The following RASAL3 variants were observed in gnomAD, a reference collection of about 807,000 sequenced individuals.
RASAL3 encodes the protein RAS protein activator like-3.
RASAL3 carries 74 observed loss-of-function variants against 105.5 expected under a neutral mutation model. That is an observed-to-expected ratio of 0.70 (90% CI 0.58 to 0.85). RASAL3 has a LOEUF of 0.85. Ranked by LOEUF, RASAL3 falls within the 40% of genes least tolerant of loss-of-function variation. RASAL3 has a pLI of 0.00. For missense variants in RASAL3, 1,352 were observed against 1,392.0 expected, an observed-to-expected ratio of 0.97 and a Z score of 0.46; for synonymous variants, 579 against 591.6, an observed-to-expected ratio of 0.98 and a Z score of 0.31.
intron 16 of RASAL3, 54 bp downstream of exon 16, chr19:15,452,604 C>A: frequency 3.2e-5 from 39 of 1,212,118 alleles, no homozygotes; most frequent in Non-Finnish European, 3.8e-5. Context: ...CTGGTCAGAT[C>A]TAATTGGATC....
chr19:15,458,118 T>C (rs1970386043), intron 8 of RASAL3: 2 of 630,226 alleles, frequency 3.2e-6, no homozygotes, highest in Non-Finnish European at 5.5e-6. Flanking sequence ...TGGGTGCATA[T>C]GGGGCCGGGA....
chr19:15,454,249 C>T lies in RASAL3; in HGVS notation c.2179G>A (p.Glu727Lys). Reference protein sequence around the residue: ...ELDQTTRDTLEPLPTILRAIE... With the variant: ...ELDQTTRDTLKPLPTILRAIE... Reference sequence around the variant, plus strand: ...GCTCGCAGGATGGTGGGCAGTGGTTCCAGGGTGTCTCGGGTTGTCTGGTGA... The same window carrying T: ...GCTCGCAGGATGGTGGGCAGTGGTTTCAGGGTGTCTCGGGTTGTCTGGTGA... Residue 727 changes from glutamate (E) to lysine (K), a missense_variant, in exon 14 of 18, where the codon GAA becomes AAA. Physicochemically the swap from Glu to Lys is moderately conservative, Grantham distance 56. Around this residue, in one of 3 missense-constraint regions of RASAL3, gnomAD observed 920 missense variants for 919.6 expected, o/e 1.00. Coordinates refer to ENST00000343625, the MANE Select transcript of RASAL3 (RefSeq NM_022904.3). The T allele has an allele frequency of 6.4e-7, 1 of 1,565,470 alleles. No individual in the cohort carries two copies. Among genetic ancestry groups the T allele is most frequent in the East Asian group, 2.4e-5 (1 of 41,978 alleles).
chr19:15,456,309 A>G lies in RASAL3; in HGVS notation c.1577-61T>C. The G allele has an allele frequency of 6.3e-7, 1 of 1,591,884 alleles. No homozygotes were observed. The highest frequency in any genetic ancestry group is 1.1e-5 in the South Asian group (1 of 89,284). ...ATGACCACCAAAACCTGCCACACCC[A>G]TCCTCCAACCTTGTCTTCAGGTTAT... On this transcript the variant is annotated intron_variant, in intron 10 of 17. Transcript: ENST00000343625. This position sits in a 1 kb window ranked among gnomAD's most constrained non-coding sequence, Gnocchi z 4.4.
intron 5 of RASAL3, 27 bp downstream of exon 5, chr19:15,461,033 A>G (rs1599749689): frequency 6.2e-7 from 1 of 1,609,758 alleles, no homozygotes; most frequent in Non-Finnish European, 8.5e-7. Context: ...TCTCCCCTCT[A>G]CCTCCCACCT....
At chr19:15,458,453 T>C (rs1203956066) in intron 7 of RASAL3, 27 bp from the exon 8 acceptor site, 1 of 1,613,444 alleles carries the variant, frequency 6.2e-7, no homozygotes. Context: ...TCCAACGGTG[T>C]GATCGAGGCC....
rs761015979 is a variant in RASAL3 at position 15,464,271 on chromosome 19, C to T, written c.88G>A (p.Gly30Ser). The T allele has an allele frequency of 5.0e-6, 8 of 1,609,946 alleles. No individual in the cohort carries two copies. The highest frequency in any genetic ancestry group is 6.8e-6 in the Non-Finnish European group (8 of 1,178,536). ...AACCCTCCAGCCGCCTTCTCCCCAC[C>T]GCCCCCTGTGTGCCAGCGGTAGGAA... The part of the protein sequence containing the change: ...LTSYRWHTGG[G>S]GEKAAGGFRW... Residue 30 changes from glycine to serine, a missense_variant, in exon 2 of 18, where the codon GGT becomes AGT. Physicochemically the swap from Gly to Ser is moderately conservative, Grantham distance 56. Around this residue, in one of 3 missense-constraint regions of RASAL3, gnomAD observed 344 missense variants for 339.6 expected, o/e 1.01. Coordinates refer to ENST00000343625, the MANE Select transcript of RASAL3 (RefSeq NM_022904.3).
chr19:15,452,155 C>T, intron 16 of RASAL3, 47 bp from the exon 17 acceptor site: 1 of 1,600,912 alleles, frequency 6.2e-7, no homozygotes, highest in East Asian at 2.2e-5. Context: ...CTAAGGAAGT[C>T]CCTTCCAGCT....
Position 15,453,342 on chromosome 19 carries a change from CG to C in RASAL3, c.2434del (p.Arg812GlyfsTer31). On this transcript the variant is annotated frameshift_variant, in exon 15 of 18. Transcript: ENST00000343625. LOFTEE classifies it high-confidence loss of function. The surrounding 1 kb of genome is among the most constrained non-coding windows in gnomAD (Gnocchi z 4.2). ...PDEERPLRRPRPVQRTQSVPV... is the reference protein window; with the variant it reads ...PDEERPLRRPXPVQRTQSVPV... Reference sequence around the variant, plus strand: ...GACACTCTGCGTGCGCTGCACCGGCCGGGGCCGCCGCAGGGGCCGCTCTTCG... The same window carrying C: ...GACACTCTGCGTGCGCTGCACCGGCCGGGCCGCCGCAGGGGCCGCTCTTCG... 1 of 1,426,438 alleles carries C rather than the reference CG, an allele frequency of 7.0e-7. No homozygotes were observed. Among genetic ancestry groups the C allele is most frequent in the Non-Finnish European group, 9.1e-7 (1 of 1,097,280 alleles). 88.4% of individuals were successfully genotyped at this position (1,426,438 alleles called of 1,614,324 possible). A position where few individuals can be genotyped will look rare whatever the true frequency, so the allele number is the denominator to read the frequency against.
In RASAL3 at chr19:15,457,323, A is replaced by G; in HGVS notation, c.1400T>C (p.Val467Ala). 1 of 1,355,148 alleles carries G rather than the reference A, an allele frequency of 7.4e-7. No homozygotes were observed. Among genetic ancestry groups the G allele is most frequent in the South Asian group, 1.6e-5 (1 of 60,842 alleles). The allele number at this position is 1,355,148 out of a possible 1,614,324, so 83.9% of individuals were successfully genotyped here. A position where few individuals can be genotyped will look rare whatever the true frequency, so the allele number is the denominator to read the frequency against. Residue 467 changes from valine to alanine, a missense_variant, in exon 9 of 18, where the codon GTG becomes GCG. Physicochemically the swap from Val to Ala is moderately conservative, Grantham distance 64. Transcript: ENST00000343625. This position sits in a 1 kb window ranked among gnomAD's most constrained non-coding sequence, Gnocchi z 8.6. ...CCGGCCGGTGGCCCGCAGCACGCGC[A>G]CCATGGCTGCCGCCAGCTCCTCCTT... ...QAKEELAAAM[V>A]RVLRATGRAQ...
At position 15,457,082 on chromosome 19, in the gene RASAL3, C is replaced by T. The variant is rs1196958967; in HGVS notation, c.1431+210G>A. On this transcript the variant is annotated intron_variant, in intron 9 of 17. Coordinates refer to ENST00000343625, the MANE Select transcript of RASAL3 (RefSeq NM_022904.3). The surrounding 1 kb of genome is among the most constrained non-coding windows in gnomAD (Gnocchi z 8.6). ...GCCCTTCAAGGTGCCCCGCCCCTTA[C>T]GGGTGATGTTCAGGCCCCGCCCTTC... 6.6e-6 allele frequency among the ~76,000 whole-genome samples: 1 copy of T among 151,556 alleles called. No individual in the cohort carries two copies. Among genetic ancestry groups the T allele is most frequent in the African/African-American group, 2.4e-5 (1 of 41,216 alleles).
rs1471878926 is a variant in RASAL3, at chr19:15,452,803, G to A, written c.2683C>T (p.Gln895Ter). 6.4e-7 allele frequency: 1 copy of A among 1,556,368 alleles called. No individual in the cohort carries two copies. Among genetic ancestry groups the A allele is most frequent in the Non-Finnish European group, 8.7e-7 (1 of 1,149,520 alleles). The change falls in exon 16 of 18, where the codon CAG becomes TAG. Residue 895 changes from glutamine (Q) to a stop codon, truncating the protein, a stop_gained. Transcript: ENST00000343625. LOFTEE classifies it high-confidence loss of function. ...TCACGCAGAGCGGCCACCTCGCACT[G>A]CAGCTCTGCCAACTGTGGTGGGAGA... Reference protein sequence around the residue: ...HRPVNKLAELQCEVAALREEQ... With the variant: ...HRPVNKLAEL
chr19:15,460,307 A>G (rs778539484), intron 5 of RASAL3, 49 bp from the exon 6 acceptor site: 1 of 1,550,978 alleles, frequency 6.4e-7, no homozygotes, highest in Admixed American at 1.8e-5. Context: ...CTCCTTCCTC[A>G]GCTCCTTCCC....
chr19:15,456,718 C>A lies in RASAL3; in HGVS notation c.1432-72G>T. 3 of 1,536,932 alleles carry A rather than the reference C, an allele frequency of 2.0e-6. No homozygotes were observed. Among genetic ancestry groups the A allele is most frequent in the South Asian group, 2.4e-5 (2 of 84,712 alleles). On this transcript the variant is annotated intron_variant, in intron 9 of 17. Transcript: ENST00000343625. This position sits in a 1 kb window ranked among gnomAD's most constrained non-coding sequence, Gnocchi z 4.4. ...AAGGGAATTCGGATCCTTGGCTGGT[C>A]CCTCACACCAGAGGCACAGGCCCCG...
Position 15,452,126 on chromosome 19 carries a change from T to C in RASAL3, c.2829-18A>G. 6.2e-7 allele frequency: 1 copy of C among 1,613,558 alleles called. No homozygotes were observed. The highest frequency in any genetic ancestry group is 1.3e-5 in the African/African-American group (1 of 75,036). ...CTGAGCTCCTGTGGGGGTCGGGGGATTGGGGCGAAGGGCAGAGGCTAAGGA... is the reference window on the plus strand; with the variant it reads ...CTGAGCTCCTGTGGGGGTCGGGGGACTGGGGCGAAGGGCAGAGGCTAAGGA... On this transcript the variant is annotated intron_variant, in intron 16 of 17. Transcript: ENST00000343625.
rs1361548958 is a variant in RASAL3, at chr19:15,464,368, G to A, written c.-10C>T. The stretch of plus-strand genomic sequence containing the variant: ...GCGACGGTGGGTCCATGGTTGGGGG[G>A]GGGGGTCTCCTGGGGGACGAGAGAG... On this transcript the variant is annotated 5_prime_UTR_variant, in exon 2 of 18. Coordinates refer to ENST00000343625, the MANE Select transcript of RASAL3 (RefSeq NM_022904.3). The A allele has an allele frequency of 1.9e-6, 3 of 1,572,340 alleles. No homozygotes were observed. Among genetic ancestry groups the A allele is most frequent in the Admixed American group, 1.7e-5 (1 of 58,950 alleles).
Position 15,457,436 on chromosome 19 carries a change from G to C in RASAL3, c.1287C>G (p.Ser429=). The change falls in exon 9 of 18, where the codon TCC becomes TCG. Residue 429 remains serine (S), a synonymous_variant. Transcript: ENST00000343625. The surrounding 1 kb of genome is among the most constrained non-coding windows in gnomAD (Gnocchi z 8.6). ...IRARRLRVLP[S]ERYKELAEFL... ...ACTCCGCCAGCTCCTTGTAGCGCTC[G>C]GACGGCAGCACGCGCAGGCGACGCG... 3 of 1,427,492 alleles carry C rather than the reference G, an allele frequency of 2.1e-6. No homozygotes were observed. The South Asian group carries it at 3.9e-5, about 19-fold the overall frequency. 88.4% of individuals were successfully genotyped at this position (1,427,492 alleles called of 1,614,324 possible).
At position 15,457,304 on chromosome 19, in the gene RASAL3, G is replaced by A; in HGVS notation, c.1419C>T (p.Thr473=). 7.7e-7 allele frequency: 1 copy of A among 1,304,180 alleles called. No individual in the cohort carries two copies. Among genetic ancestry groups the A allele is most frequent in the Non-Finnish European group, 9.7e-7 (1 of 1,027,728 alleles). 80.8% of individuals were successfully genotyped at this position (1,304,180 alleles called of 1,614,324 possible). Residue 473 remains threonine (T), a synonymous_variant, in exon 9 of 18, where the codon ACC becomes ACT. Transcript: ENST00000343625. This position sits in a 1 kb window ranked among gnomAD's most constrained non-coding sequence, Gnocchi z 8.6. ...AAAMVRVLRA[T]GRAQALVTDL... is the part of the protein sequence containing the mutation. ...CGCGGTGCCGCACCTGCGCCCGGCC[G>A]GTGGCCCGCAGCACGCGCACCATGG...
intron 5 of RASAL3, 60 bp from the exon 6 acceptor site, chr19:15,460,318 T>A: frequency 2.0e-6 from 3 of 1,479,912 alleles, no homozygotes; most frequent in Non-Finnish European, 2.8e-6. Context: ...GCTCCTTCCC[T>A]CCCAAGACAT....
Position 15,456,394 on chromosome 19 carries a change from A to C in RASAL3, c.1576+108T>G. ...TTGTCCCCAGGATCCTAGCACCCCC[A>C]AAACACCACTCACTACCAGAATCCA... On this transcript the variant is annotated intron_variant, in intron 10 of 17. Coordinates refer to ENST00000343625, the MANE Select transcript of RASAL3 (RefSeq NM_022904.3). This position sits in a 1 kb window ranked among gnomAD's most constrained non-coding sequence, Gnocchi z 4.4. 6.5e-7 allele frequency: 1 copy of C among 1,531,698 alleles called. No individual in the cohort carries two copies. Among genetic ancestry groups the C allele is most frequent in the African/African-American group, 1.4e-5 (1 of 73,122 alleles). 94.9% of individuals were successfully genotyped at this position (1,531,698 alleles called of 1,614,324 possible). A position where few individuals can be genotyped will look rare whatever the true frequency, so the allele number is the denominator to read the frequency against.
Sources: gnomAD v4.1 joint callset for allele counts (sites outside exome capture counted in the v4.1 genomes callset) on GRCh38, gnomAD v4.1.1 for gene constraint, gnomAD v4.1.1 regional missense constraint, Gnocchi (gnomAD v3.1) non-coding constraint, MANE v1.5 for transcripts, NCBI Gene and HGNC (gene_info 2026-07-23, HGNC 2026-07-21) for gene names.